EMC2: variants seen among roughly 807,000 people sequenced by gnomAD.
The protein encoded by EMC2 is TPR repeat protein 35.
EMC2 carries 37 observed loss-of-function variants against 51.6 expected under a neutral mutation model. The ratio of observed to expected loss-of-function variants is 0.72; its 90% CI spans 0.55 to 0.94. The LOEUF (loss-of-function observed/expected upper bound fraction) is 0.94, where lower values mean the gene tolerates loss of function less well. Ranked by LOEUF, EMC2 falls within the 40% of genes least tolerant of loss-of-function variation. The pLI, the probability that EMC2 is intolerant of heterozygous loss-of-function variation, is 0.00. For synonymous variants in EMC2, 131 were observed against 112.4 expected, an observed-to-expected ratio of 1.17 and a Z score of -1.04; for missense variants, 359 against 350.9, an observed-to-expected ratio of 1.02 and a Z score of -0.18.
intron 4 of EMC2, 127 bp from the exon 5 acceptor site, chr8:108,455,746 A>G (rs1327789889): frequency 4.7e-6 from 2 of 425,588 alleles, no homozygotes; most frequent in African/African-American, 2.1e-5. Flanking sequence ...TTATAAATGC[A>G]TTTAAAGCAA....
chr8:108,472,206 A>AT (rs1372283509), intron 7 of EMC2, among the ~76,000 whole-genome samples: 6 of 151,600 alleles, frequency 4.0e-5, no homozygotes, highest in Non-Finnish European at 2.9e-5. Flanking sequence ...TTGCAATTTT[A>AT]TTTTTTTGCA....
intron 5 of EMC2, among the ~76,000 whole-genome samples, chr8:108,459,721 AGTGTGTGT>A (rs1554617756): frequency 1.5e-4 from 20 of 136,968 alleles, no homozygotes; most frequent in African/African-American, 3.0e-4. Flanking sequence ...AGAGAGAGAG[AGTGTGTGT>A]GTGTGTGTGT....
intron 7 of EMC2, chr8:108,473,771 GGAAGA>G (rs1357209386): frequency 2.6e-5 from 4 of 151,940 alleles, no homozygotes; most frequent in African/African-American, 9.7e-5. Flanking sequence ...ACTTTTGTAA[GGAAGA>G]GAAGAAAACT....
At chr8:108,451,560 G>A (rs1049192237) in intron 3 of EMC2, among the ~76,000 whole-genome samples, 1 of 152,012 alleles carries the variant, frequency 6.6e-6, no homozygotes, top group African/African-American at 2.4e-5. Context: ...AGGTTGGGTT[G>A]GCTATACATG....
At chr8:108,465,392 A>G (rs1009138322) in intron 5 of EMC2, among the ~76,000 whole-genome samples, 10 of 152,206 alleles carry the variant, frequency 6.6e-5, no homozygotes, top group African/African-American at 2.4e-4. Context: ...AGTTTAAACA[A>G]TACTGTACTT....
chr8:108,480,720 T>C (rs1811030975), intron 10 of EMC2, among the ~76,000 whole-genome samples: 1 of 152,188 alleles, frequency 6.6e-6, no homozygotes, highest in Non-Finnish European at 1.5e-5. Context: ...TCTCTCCTTC[T>C]TGCCCTGGTG....
At chr8:108,444,540 T>C (rs1818832061) in intron 1 of EMC2, among the ~76,000 whole-genome samples, 1 of 152,112 alleles carries the variant, frequency 6.6e-6, no homozygotes, top group Admixed American at 6.5e-5. Flanking sequence ...ACAGGAGACT[T>C]CAGTAGCTAA....
intron 10 of EMC2, among the ~76,000 whole-genome samples, chr8:108,482,996 G>A (rs992083975): frequency 6.6e-6 from 1 of 152,050 alleles, no homozygotes; most frequent in Non-Finnish European, 1.5e-5. Context: ...GTCCATGGAA[G>A]CTAGTTCAAT....
chr8:108,462,691 T>C (rs999711283), intron 5 of EMC2, among the ~76,000 whole-genome samples: 3 of 152,178 alleles, frequency 2.0e-5, no homozygotes, highest in Non-Finnish European at 4.4e-5. Flanking sequence ...GTTAAAAATG[T>C]TATTTTGTTA....
intron 5 of EMC2, among the ~76,000 whole-genome samples, chr8:108,464,969 G>C (rs1819432815): frequency 6.6e-6 from 1 of 152,128 alleles, no homozygotes; most frequent in Non-Finnish European, 1.5e-5. Context: ...AGTTCCTTCT[G>C]GGTCCCTGAG....
Position 108,470,054 on chromosome 8 carries a change from C to G in EMC2, c.450-8C>G, listed in dbSNP as rs768326325. On this transcript the variant is annotated splice_polypyrimidine_tract_variant and splice_region_variant and intron_variant, in intron 6 of 10. Transcript: ENST00000220853. ...CACACTTACTTTTTTTTCTTTTCCT[C>G]TCACCAGATTTGTTGGAGACCAAGA... 3 of 1,611,178 alleles carry G rather than the reference C, an allele frequency of 1.9e-6. No homozygotes were observed. The highest frequency in any genetic ancestry group is 1.7e-6 in the Non-Finnish European group (2 of 1,178,400).
chr8:108,462,213 T>TTGTGTGCGTGTG (rs756130562), intron 5 of EMC2, among the ~76,000 whole-genome samples: 1 of 122,498 alleles, frequency 8.2e-6, no homozygotes, highest in African/African-American at 2.6e-5. Flanking sequence ...TGTGTGTGTT[T>TTGTGTGCGTGTG]TGTGTGCGTG....
At chr8:108,468,849 G>C (rs1248918610) in intron 5 of EMC2, among the ~76,000 whole-genome samples, 1 of 152,200 alleles carries the variant, frequency 6.6e-6, no homozygotes, top group East Asian at 1.9e-4. Context: ...TCCAGTCCCT[G>C]ACTGTTTACT....
intron 5 of EMC2, among the ~76,000 whole-genome samples, chr8:108,459,701 T>TATGAGA (rs1385460113): frequency 4.3e-5 from 1 of 23,446 alleles, no homozygotes; most frequent in African/African-American, 2.3e-4. Context: ...AGCCAAGCCA[T>TATGAGA]GTGAGAGAGA....
chr8:108,461,955 C>T (rs993896260), intron 5 of EMC2, among the ~76,000 whole-genome samples: 10 of 151,920 alleles, frequency 6.6e-5, no homozygotes, highest in African/African-American at 1.2e-4. Flanking sequence ...ACTACAGGCA[C>T]GTGCCACCAT....
intron 8 of EMC2, among the ~76,000 whole-genome samples, chr8:108,476,572 T>G (rs1323766522): frequency 6.6e-6 from 1 of 151,942 alleles, no homozygotes; most frequent in African/African-American, 2.4e-5. Context: ...GTCATCTCAA[T>G]GTTCATAGAA....
intron 1 of EMC2, among the ~76,000 whole-genome samples, chr8:108,446,527 A>G (rs914801065): frequency 1.3e-5 from 2 of 152,306 alleles, no homozygotes; most frequent in Admixed American, 1.3e-4. Flanking sequence ...AACAATCCAC[A>G]GGACTTAGAT....
intron 5 of EMC2, 76 bp downstream of exon 5, chr8:108,456,006 A>T: frequency 1.8e-6 from 1 of 553,780 alleles, no homozygotes; most frequent in Non-Finnish European, 3.1e-6. Flanking sequence ...AATAATAGAT[A>T]CATAAGGAAC....
intron 5 of EMC2, among the ~76,000 whole-genome samples, chr8:108,457,372 GTCTATGTATTAGTCCATTTTCATGC>G (rs1237396812): frequency 2.9e-5 from 4 of 139,396 alleles, no homozygotes; most frequent in African/African-American, 1.1e-4. Context: ...GTGTGTGTGT[GTCTATGTATTAGTCCATTTTCATGC>G]TGTCTATGTA....
Sources: gnomAD v4.1 joint callset for allele counts (sites outside exome capture counted in the v4.1 genomes callset) on GRCh38, gnomAD v4.1.1 for gene constraint, MANE v1.5 for transcripts, NCBI Gene and HGNC (gene_info 2026-07-23, HGNC 2026-07-21) for gene names.